C10orf67: variants seen among roughly 807,000 people sequenced by gnomAD.
The protein encoded by C10orf67 is chromosome 10 open reading frame 67.
Under a neutral mutation model 35.6 loss-of-function variants are expected in C10orf67, and 60 were observed. The observed-to-expected ratio is 1.68, with a 90% CI of 1.37 to 2.09. The LOEUF (loss-of-function observed/expected upper bound fraction) is 2.09, where lower values mean the gene tolerates loss of function less well. Among genes scored for constraint, C10orf67 ranks in the 30% most tolerant of loss-of-function variants. C10orf67 has a pLI of 0.00. For missense variants in C10orf67, 474 were observed against 330.2 expected (o/e 1.44, Z -3.38); for synonymous variants, 167 against 115.8 (o/e 1.44, Z -2.84).
intron 7 of C10orf67, among the ~76,000 whole-genome samples, chr10:23,282,989 C>T (rs1843413402): frequency 6.6e-6 from 1 of 151,580 alleles, no homozygotes; most frequent in South Asian, 2.1e-4. Flanking sequence ...TGAATAAGAC[C>T]TAGTATTTGA....
At chr10:23,249,131 CAAAAAAAAAAAAAAA>C (rs57702096) in intron 12 of C10orf67, among the ~76,000 whole-genome samples, 30 of 21,554 alleles carry the variant, frequency 1.4e-3, no homozygotes, top group Non-Finnish European at 2.0e-3. Flanking sequence ...AACTCCCTCT[CAAAAAAAAAAAAAAA>C]AAAAAAAAAA....
At chr10:23,241,509 G>C (rs139438072) in intron 12 of C10orf67, among the ~76,000 whole-genome samples, 7 of 152,292 alleles carry the variant, frequency 4.6e-5, no homozygotes, top group African/African-American at 1.7e-4. Context: ...GACTGTAGTA[G>C]AGTGAACATT....
At chr10:23,277,288 C>T (rs913840354) in intron 8 of C10orf67, among the ~76,000 whole-genome samples, 2 of 152,118 alleles carry the variant, frequency 1.3e-5, no homozygotes, top group African/African-American at 2.4e-5. Context: ...TATGGTGGCT[C>T]ATGCTTGTAA....
intron 15 of C10orf67, among the ~76,000 whole-genome samples, chr10:23,218,894 A>G (rs1841503688): frequency 6.6e-6 from 1 of 152,222 alleles, no homozygotes; most frequent in African/African-American, 2.4e-5. Context: ...CTGACAGCCT[A>G]GAGACAATAT....
intron 8 of C10orf67, among the ~76,000 whole-genome samples, chr10:23,269,945 C>CA (rs930068089): frequency 7.2e-5 from 11 of 151,778 alleles, no homozygotes; most frequent in Non-Finnish European, 1.5e-4. Flanking sequence ...TTGATAGAAA[C>CA]AAAAAAATTA....
intron 9 of C10orf67, 24 bp downstream of exon 9, chr10:23,267,171 G>A (rs1842903067): frequency 1.4e-6 from 1 of 705,240 alleles, no homozygotes. Context: ...GAGAAAGAGA[G>A]AGAGAAAAAA....
chr10:23,256,340 C>T (rs2132170567), intron 10 of C10orf67, among the ~76,000 whole-genome samples: 1 of 152,252 alleles, frequency 6.6e-6, no homozygotes, highest in African/African-American at 2.4e-5. Flanking sequence ...AGACTCCTGG[C>T]TCCCGCTTAG....
At chr10:23,277,837 T>C (rs1225931057) in intron 8 of C10orf67, among the ~76,000 whole-genome samples, 1 of 152,168 alleles carries the variant, frequency 6.6e-6, no homozygotes, top group East Asian at 1.9e-4. Flanking sequence ...GGGTAATTTA[T>C]AGAGAAAAGA....
intron 13 of C10orf67, among the ~76,000 whole-genome samples, chr10:23,232,024 A>T (rs1163203662): frequency 6.6e-6 from 1 of 152,216 alleles, no homozygotes; most frequent in Non-Finnish European, 1.5e-5. Context: ...TTAAGAAAAA[A>T]TTAGAGCAAT....
At chr10:23,327,825 G>C (rs961955368) in intron 2 of C10orf67, among the ~76,000 whole-genome samples, 3 of 151,096 alleles carry the variant, frequency 2.0e-5, no homozygotes, top group African/African-American at 4.9e-5. Flanking sequence ...ACTCCATCTC[G>C]GGGGAGAAAA....
rs370095073 is a variant in C10orf67 at position 23,322,470 on chromosome 10, C to T, written c.395G>A (p.Arg132Gln). 38 of 1,611,986 alleles carry T rather than the reference C, an allele frequency of 2.4e-5. No homozygotes were observed. In the Middle Eastern group the frequency reaches 8.3e-4, roughly 35 times the overall value. The change falls in exon 3 of 16, where the codon CGA (arginine) becomes CAA (glutamine). Residue 132 changes from arginine (R) to glutamine (Q), a missense_variant. Transcript: ENST00000636213. ...GAGACTCAAAGATTCCTCTTTCAGT[C>T]GGTCCTCAAACTTCAACTGAAGCAA... ...KQLLQLKFEDRLKEESLSLFT... is the reference protein window; with the variant it reads ...KQLLQLKFEDQLKEESLSLFT...
intron 2 of C10orf67, among the ~76,000 whole-genome samples, chr10:23,325,093 T>C (rs1025777666): frequency 6.6e-6 from 1 of 152,060 alleles, no homozygotes; most frequent in African/African-American, 2.4e-5. Context: ...TCCCAGCACT[T>C]TGGGAGGCCA....
intron 10 of C10orf67, among the ~76,000 whole-genome samples, chr10:23,255,490 G>T (rs532984057): frequency 1.3e-5 from 2 of 152,150 alleles, no homozygotes; most frequent in Admixed American, 1.3e-4. Flanking sequence ...GGTTCAGAAG[G>T]CCACAAAAGT....
At chr10:23,275,601 G>GC (rs1447379749) in intron 8 of C10orf67, among the ~76,000 whole-genome samples, 9 of 151,136 alleles carry the variant, frequency 6.0e-5, no homozygotes, top group African/African-American at 2.2e-4. Context: ...ACACACACAT[G>GC]CACACGCACA....
intron 13 of C10orf67, among the ~76,000 whole-genome samples, chr10:23,230,671 C>A (rs10764396): frequency 6.6e-6 from 1 of 151,922 alleles, no homozygotes; most frequent in Non-Finnish European, 1.5e-5. Context: ...AAAGAGGAAA[C>A]CTGAATGGTC....
intron 2 of C10orf67, among the ~76,000 whole-genome samples, chr10:23,330,259 A>G (rs1031217879): frequency 6.6e-6 from 1 of 151,864 alleles, no homozygotes; most frequent in African/African-American, 2.4e-5. Flanking sequence ...GGGATTTGGG[A>G]CCAGCTTGGG....
chr10:23,268,244 G>C (rs1243893036), intron 8 of C10orf67, among the ~76,000 whole-genome samples: 2 of 152,142 alleles, frequency 1.3e-5, no homozygotes, highest in African/African-American at 4.8e-5. Flanking sequence ...ACAGTGAGCT[G>C]TGATTGTGCC....
intron 12 of C10orf67, among the ~76,000 whole-genome samples, chr10:23,249,772 T>G (rs1842403063): frequency 6.6e-6 from 1 of 152,212 alleles, no homozygotes; most frequent in Non-Finnish European, 1.5e-5. Flanking sequence ...CGTGCCTGGA[T>G]GATGCTTGAC....
At chr10:23,286,834 T>C (rs1346753598) in intron 7 of C10orf67, among the ~76,000 whole-genome samples, 1 of 152,174 alleles carries the variant, frequency 6.6e-6, no homozygotes, top group Non-Finnish European at 1.5e-5. Context: ...TGAACTCCCC[T>C]TGTGAAAATC....
Sources: gnomAD v4.1 joint callset for allele counts (sites outside exome capture counted in the v4.1 genomes callset) on GRCh38, gnomAD v4.1.1 for gene constraint, MANE v1.5 for transcripts, NCBI Gene and HGNC (gene_info 2026-07-23, HGNC 2026-07-21) for gene names.